Variants in SEMA5A observed in about 807,000 individuals in gnomAD.
The protein encoded by SEMA5A is semaphorin-5A.
Under a neutral mutation model 135.5 loss-of-function variants are expected in SEMA5A, and 55 were observed. That is an observed-to-expected ratio of 0.41 (90% CI 0.33 to 0.51). The LOEUF is 0.51. Ranked by LOEUF, SEMA5A falls within the 20% of genes least tolerant of loss-of-function variation. The pLI is 0.37. For missense variants in SEMA5A, 1,290 were observed against 1,419.9 expected (o/e 0.91, Z 1.47); for synonymous variants, 580 against 546.5 (o/e 1.06, Z -0.85).
chr5:9,143,010 A>G (rs1466917755), intron 12 of SEMA5A, among the ~76,000 whole-genome samples: 5 of 152,186 alleles, frequency 3.3e-5, no homozygotes. Flanking sequence ...GAAAATTCCA[A>G]GTAGACAATA....
At chr5:9,213,734 G>A (rs138059676) in intron 8 of SEMA5A, among the ~76,000 whole-genome samples, 18 of 152,344 alleles carry the variant, frequency 1.2e-4, no homozygotes, top group African/African-American at 3.8e-4. Flanking sequence ...CAGTGGCCAT[G>A]TGGACTGCAA....
At chr5:9,509,913 A>G (rs954400334) in intron 1 of SEMA5A, among the ~76,000 whole-genome samples, 1 of 152,210 alleles carries the variant, frequency 6.6e-6, no homozygotes, top group Non-Finnish European at 1.5e-5. Context: ...TGGAGAAGAG[A>G]GAAAACAAAA....
intron 1 of SEMA5A, among the ~76,000 whole-genome samples, chr5:9,473,803 G>C (rs922746594): frequency 6.6e-6 from 1 of 152,312 alleles, no homozygotes. Flanking sequence ...AGGATACCAG[G>C]CATGAATATC....
chr5:9,278,789 G>C (rs187504885), intron 5 of SEMA5A, among the ~76,000 whole-genome samples: 1 of 152,224 alleles, frequency 6.6e-6, no homozygotes, highest in Non-Finnish European at 1.5e-5. Context: ...CATCTACGTG[G>C]TGCTGGGCCT....
chr5:9,304,269 T>A (rs2150621625), intron 5 of SEMA5A, among the ~76,000 whole-genome samples: 1 of 152,134 alleles, frequency 6.6e-6, no homozygotes, highest in East Asian at 1.9e-4. Context: ...TTGTTAAACT[T>A]GTGATTTGTG....
At chr5:9,486,218 A>G (rs1393050430) in intron 1 of SEMA5A, among the ~76,000 whole-genome samples, 2 of 152,158 alleles carry the variant, frequency 1.3e-5, no homozygotes, top group African/African-American at 4.8e-5. Flanking sequence ...GGAGGTGAAC[A>G]ATGAGAACAC....
At chr5:9,228,243 G>C (rs1747427317) in intron 6 of SEMA5A, among the ~76,000 whole-genome samples, 1 of 152,188 alleles carries the variant, frequency 6.6e-6, no homozygotes. Flanking sequence ...GTGTAGAGAG[G>C]CTTCCTGAAG....
At chr5:9,449,174 CCA>C (rs1561262155) in intron 1 of SEMA5A, among the ~76,000 whole-genome samples, 5 of 152,134 alleles carry the variant, frequency 3.3e-5, no homozygotes, top group African/African-American at 7.2e-5. Flanking sequence ...ACATAAATGC[CCA>C]TCAGTGATAG....
chr5:9,502,857 G>A (rs1735669171), intron 1 of SEMA5A, among the ~76,000 whole-genome samples: 2 of 152,154 alleles, frequency 1.3e-5, no homozygotes, highest in African/African-American at 2.4e-5. Context: ...AGAAGGAAAG[G>A]AAAGCAAAGA....
At chr5:9,325,246 T>A (rs1027001097) in intron 4 of SEMA5A, among the ~76,000 whole-genome samples, 2 of 152,170 alleles carry the variant, frequency 1.3e-5, no homozygotes, top group African/African-American at 4.8e-5. Context: ...TACTTTTTTT[T>A]TTTTTTCTCA....
chr5:9,310,085 A>C (rs941605639), intron 5 of SEMA5A, among the ~76,000 whole-genome samples: 32 of 152,172 alleles, frequency 2.1e-4, no homozygotes, highest in African/African-American at 7.7e-4. Flanking sequence ...AATTCAGGAA[A>C]TATTCATTGA....
At position 9,221,379 on chromosome 5, in the gene SEMA5A, T is replaced by C. The variant is rs1051941789; in HGVS notation, c.646+3295A>G. ...GTGCAGTGGCGCGATCTCGGCTTACTGCAAGCTCCGCCTCCCGGGTTCACA... is the reference window on the plus strand; with the variant it reads ...GTGCAGTGGCGCGATCTCGGCTTACCGCAAGCTCCGCCTCCCGGGTTCACA... On this transcript the variant is annotated intron_variant, in intron 8 of 22. Transcript: ENST00000382496. Among the ~76,000 whole-genome samples the C allele has an allele frequency of 5.5e-5, 8 of 146,764 alleles. No homozygotes were observed. In the East Asian group the frequency reaches 1.6e-3, roughly 30 times the overall value.
intron 2 of SEMA5A, among the ~76,000 whole-genome samples, chr5:9,397,659 T>A (rs788470): frequency 0.061 from 9,242 of 152,268 alleles, 339 homozygotes; most frequent in East Asian, 0.13. Flanking sequence ...GCATGTATGA[T>A]TATTATAATA....
At chr5:9,365,412 G>T (rs1030924618) in intron 3 of SEMA5A, among the ~76,000 whole-genome samples, 1 of 152,144 alleles carries the variant, frequency 6.6e-6, no homozygotes, top group Admixed American at 6.5e-5. Flanking sequence ...CCCCAATGGG[G>T]CTCGGCAGGA....
intron 1 of SEMA5A, among the ~76,000 whole-genome samples, chr5:9,478,079 G>T (rs1759739125): frequency 6.6e-6 from 1 of 152,208 alleles, no homozygotes; most frequent in Non-Finnish European, 1.5e-5. Context: ...TACAGCTTGG[G>T]CTATTGCTTC....
At chr5:9,506,154 C>A (rs1288758593) in intron 1 of SEMA5A, among the ~76,000 whole-genome samples, 1 of 152,108 alleles carries the variant, frequency 6.6e-6, no homozygotes, top group Non-Finnish European at 1.5e-5. Flanking sequence ...AGACAAAGGC[C>A]AATTTAGTTG....
intron 8 of SEMA5A, among the ~76,000 whole-genome samples, chr5:9,212,380 C>T (rs1300029083): frequency 6.6e-6 from 1 of 152,194 alleles, no homozygotes; most frequent in African/African-American, 2.4e-5. Context: ...TAAGGTATTT[C>T]TCTAAACACA....
intron 5 of SEMA5A, chr5:9,265,601 C>T: frequency 6.6e-6 from 3 of 453,810 alleles, no homozygotes; most frequent in South Asian, 4.7e-5. Flanking sequence ...GCCTGGCGTC[C>T]CATGTTCAGC....
Position 9,136,626 on chromosome 5 carries a change from A to T in SEMA5A, c.1482-5T>A. On this transcript the variant is annotated splice_polypyrimidine_tract_variant and splice_region_variant and intron_variant, in intron 12 of 22. Coordinates refer to ENST00000382496, the MANE Select transcript of SEMA5A (RefSeq NM_003966.3). ...TCCTGGGCCCCAATGCAGGTGCTGG[A>T]AACACACACCAAATGGTCAACAGAA... 1 of 1,609,490 alleles carries T rather than the reference A, an allele frequency of 6.2e-7. No homozygotes were observed. Among genetic ancestry groups the T allele is most frequent in the Non-Finnish European group, 8.5e-7 (1 of 1,175,862 alleles).
Sources: allele counts gnomAD v4.1 joint callset (sites outside exome capture counted in the v4.1 genomes callset), GRCh38; gene constraint gnomAD v4.1.1; transcripts MANE v1.5; gene names NCBI Gene and HGNC (gene_info 2026-07-23, HGNC 2026-07-21).